C19orf47: variants seen among roughly 807,000 people sequenced by gnomAD.
C19orf47 encodes chromosome 19 open reading frame 47.
In C19orf47, 18 loss-of-function variants were observed where a neutral mutation model predicts 32.3. The observed-to-expected ratio is 0.56, with a 90% CI of 0.39 to 0.83. C19orf47 has a LOEUF of 0.83. C19orf47 is among the 40% of genes least tolerant of loss of function. The pLI, the probability that C19orf47 is intolerant of heterozygous loss-of-function variation, is 0.00. For synonymous variants in C19orf47, 202 were observed against 211.1 expected, an observed-to-expected ratio of 0.96 and a Z score of 0.37; for missense variants, 484 against 531.6, an observed-to-expected ratio of 0.91 and a Z score of 0.88.
chr19:40,327,908 AC>A (rs1159421475), intron 6 of C19orf47, among the ~76,000 whole-genome samples: 1 of 152,214 alleles, frequency 6.6e-6, no homozygotes, highest in East Asian at 1.9e-4. Flanking sequence ...GCAGGGCCCT[AC>A]AGACCATGTG....
the C19orf47 span, among the ~76,000 whole-genome samples, chr19:40,307,697 C>T: frequency 6.6e-6 from 1 of 152,098 alleles, no homozygotes; most frequent in Admixed American, 6.6e-5. Flanking sequence ...CACTGTATGC[C>T]AGGTACTGTT....
downstream of C19orf47, among the ~76,000 whole-genome samples, chr19:40,315,303 G>A (rs1299983796): frequency 6.6e-6 from 1 of 152,188 alleles, no homozygotes; most frequent in Non-Finnish European, 1.5e-5. Flanking sequence ...TGAGCGTGGG[G>A]TATACAGCAG....
chr19:40,316,966 G>GTA (rs34687597), downstream of C19orf47, among the ~76,000 whole-genome samples: 59,055 of 151,594 alleles, frequency 0.39, 12,745 homozygotes, highest in South Asian at 0.6. Context: ...GTGTGTGTGT[G>GTA]TACATCTCAC....
chr19:40,333,506 T>G (rs1176315249), intron 5 of C19orf47, among the ~76,000 whole-genome samples: 5 of 152,080 alleles, frequency 3.3e-5, no homozygotes, highest in African/African-American at 1.2e-4. Context: ...GAGACACACA[T>G]AAAATAAAGC....
the C19orf47 span, among the ~76,000 whole-genome samples, chr19:40,293,190 G>A: frequency 4.6e-5 from 7 of 151,758 alleles, no homozygotes; most frequent in Admixed American, 3.3e-4. Flanking sequence ...GCCCAGGCTG[G>A]AGTGCAGTGG....
At position 40,322,349 on chromosome 19, in the gene C19orf47, C is replaced by G; in HGVS notation, c.691G>C (p.Ala231Pro). ...KPTGVFSRLG[A>P]TPETDEDLAW... The stretch of plus-strand genomic sequence containing the variant: ...AGATCCTCGTCCGTTTCTGGGGTGG[C>G]CCCCAGGCGGCTGAAGACTCCTGTG... The change falls in exon 9 of 9, where the codon GCC becomes CCC. Residue 231 changes from alanine (A) to proline (P), a missense_variant. Physicochemically the swap from Ala to Pro is conservative, Grantham distance 27 (BLOSUM62 -1). This residue lies in a region of C19orf47 where 376 missense variants were observed against 370.2 expected (regional missense o/e 1.02). Coordinates refer to ENST00000683109, the MANE Select transcript of C19orf47 (RefSeq NM_001256441.2). 6.3e-7 allele frequency: 1 copy of G among 1,594,012 alleles called. No homozygotes were observed. The highest frequency in any genetic ancestry group is 8.6e-7 in the Non-Finnish European group (1 of 1,167,884).
the C19orf47 span, among the ~76,000 whole-genome samples, chr19:40,294,292 C>T: frequency 6.6e-6 from 1 of 152,196 alleles, no homozygotes; most frequent in African/African-American, 2.4e-5. Flanking sequence ...CCCCAGATCT[C>T]TGCCTGTAGA....
the C19orf47 span, among the ~76,000 whole-genome samples, chr19:40,314,283 C>G: frequency 6.6e-6 from 1 of 152,172 alleles, no homozygotes; most frequent in Admixed American, 6.6e-5. Flanking sequence ...CAAAAATTAG[C>G]CAGGCATCGT....
the C19orf47 span, among the ~76,000 whole-genome samples, chr19:40,302,070 A>T: frequency 6.6e-6 from 1 of 151,914 alleles, no homozygotes; most frequent in South Asian, 2.1e-4. Flanking sequence ...CTAAGGCAGG[A>T]GAATCGCTTG....
intron 1 of C19orf47, 95 bp downstream of exon 1, chr19:40,348,229 C>T: frequency 1.2e-6 from 1 of 813,640 alleles, no homozygotes; most frequent in Non-Finnish European, 1.7e-6. Flanking sequence ...AAGTCCGAAG[C>T]CGTACAACGG....
the C19orf47 span, among the ~76,000 whole-genome samples, chr19:40,296,845 C>A: frequency 6.6e-6 from 1 of 151,816 alleles, no homozygotes; most frequent in Admixed American, 6.6e-5. Context: ...ACCCAGGAGG[C>A]AGAGGTTGCA....
In C19orf47 at chr19:40,321,927, C is replaced by T. The variant is rs779467811; in HGVS notation, c.1113G>A (p.Ala371=). Residue 371 remains alanine (A), a synonymous_variant, in exon 9 of 9, where the codon GCG becomes GCA. Coordinates refer to ENST00000683109, the MANE Select transcript of C19orf47 (RefSeq NM_001256441.2). The part of the protein sequence containing the change: ...SEGLGAQMDH[A]GTVSVFKRLG... ...GTCTTTTGAACACGCTCACAGTGCC[C>T]GCGTGGTCCATCTGGGCACCAAGGC... 16 of 1,613,046 alleles carry T rather than the reference C, an allele frequency of 9.9e-6. No homozygotes were observed. The highest frequency in any genetic ancestry group is 7.7e-5 in the South Asian group (7 of 91,018).
At position 40,336,315 on chromosome 19, in the gene C19orf47, C is replaced by T. The variant is rs574050388; in HGVS notation, c.107+5G>A. The T allele has an allele frequency of 6.2e-7, 1 of 1,614,192 alleles. No individual in the cohort carries two copies. Among genetic ancestry groups the T allele is most frequent in the East Asian group, 2.2e-5 (1 of 44,874 alleles). ...CCACCCCATCCCCAAGTTCAGCCTC[C>T]TCACCTATTATCCACAAACATCACG... On this transcript the variant is annotated splice_donor_5th_base_variant and intron_variant, in intron 3 of 8. Transcript: ENST00000683109.
the C19orf47 span, among the ~76,000 whole-genome samples, chr19:40,295,815 C>T: frequency 6.6e-6 from 1 of 152,020 alleles, no homozygotes; most frequent in African/African-American, 2.4e-5. Flanking sequence ...GTCGCAATCA[C>T]CACTCACTGC....
intron 1 of C19orf47, among the ~76,000 whole-genome samples, chr19:40,345,426 C>A (rs571992184): frequency 6.0e-5 from 9 of 151,066 alleles, no homozygotes; most frequent in Non-Finnish European, 1.3e-4. Context: ...AGGCCGGGTA[C>A]AGTAACTCAC....
chr19:40,326,573 CCACA>C, intron 6 of C19orf47, 87 bp from the exon 7 acceptor site: 2 of 1,458,150 alleles, frequency 1.4e-6, no homozygotes, highest in Non-Finnish European at 1.8e-6. Flanking sequence ...TCCTTTATCT[CCACA>C]CATTCATGAC....
At chr19:40,314,359 G>A in the C19orf47 span, among the ~76,000 whole-genome samples, 3 of 152,090 alleles carry the variant, frequency 2.0e-5, no homozygotes, top group Non-Finnish European at 2.9e-5. Flanking sequence ...CTCAGGAGGC[G>A]GAGGTTGTGG....
Position 40,322,056 on chromosome 19 carries a change from G to T in C19orf47, c.984C>A (p.Ala328=), listed in dbSNP as rs1384241737. The T allele has an allele frequency of 6.2e-7, 1 of 1,614,178 alleles. No homozygotes were observed. Among genetic ancestry groups the T allele is most frequent in the East Asian group, 2.2e-5 (1 of 44,882 alleles). ...TGGTGCTGGTGACCTGGCTGTCCTG[G>T]GCCTCGGGCACAAGGGCAGCTGCGC... ...RLGAAALVPE[A]QDSQVTSTKS... The change falls in exon 9 of 9, where the codon GCC becomes GCA. Residue 328 remains alanine (A), a synonymous_variant. Coordinates refer to ENST00000683109, the MANE Select transcript of C19orf47 (RefSeq NM_001256441.2).
rs369796260 is a variant in C19orf47, at chr19:40,331,375, G to C, written c.301+2476C>G. Reference sequence around the variant, plus strand: ...GACAACCATCAGATATGTGAATGCGGCCGTCAACCCGGCTTCAACCTAGCT... The same window carrying C: ...GACAACCATCAGATATGTGAATGCGCCCGTCAACCCGGCTTCAACCTAGCT... On this transcript the variant is annotated intron_variant, in intron 5 of 8. Coordinates refer to ENST00000683109, the MANE Select transcript of C19orf47 (RefSeq NM_001256441.2). Among the ~76,000 whole-genome samples, 62 of 152,360 alleles carry C rather than the reference G, an allele frequency of 4.1e-4. 1 individual carries two copies. Among genetic ancestry groups the C allele is most frequent in the African/African-American group, 1.5e-3 (61 of 41,592 alleles).
Sources: allele counts gnomAD v4.1 joint callset (sites outside exome capture counted in the v4.1 genomes callset), GRCh38; gene constraint gnomAD v4.1.1; regional missense constraint gnomAD v4.1.1; transcripts MANE v1.5; gene names NCBI Gene and HGNC (gene_info 2026-07-23, HGNC 2026-07-21).